NGEF: variants seen among roughly 807,000 people sequenced by gnomAD.
NGEF encodes the protein neuronal guanine nucleotide exchange factor.
Under a neutral mutation model 80.9 loss-of-function variants are expected in NGEF, and 31 were observed. The observed-to-expected ratio is 0.38, with a 90% CI of 0.29 to 0.52. NGEF has a LOEUF of 0.52. Among genes scored for constraint, NGEF ranks in the 20% least tolerant of loss-of-function variants. The pLI is 0.84. For synonymous variants in NGEF, 371 were observed against 370.2 expected (o/e 1.00, Z -0.03); for missense variants, 709 against 926.2 (o/e 0.77, Z 3.04).
chr2:232,949,114 G>A (rs2106303992), intron 3 of NGEF, among the ~76,000 whole-genome samples: 1 of 152,334 alleles, frequency 6.6e-6, no homozygotes, highest in Middle Eastern at 3.4e-3. Context: ...ATGTCGCAGA[G>A]GCCAAGGGAA....
chr2:232,999,655 T>G (rs1461247594), intron 1 of NGEF, among the ~76,000 whole-genome samples: 1 of 152,214 alleles, frequency 6.6e-6, no homozygotes, highest in Non-Finnish European at 1.5e-5. Context: ...CCTCCGCCCT[T>G]GGCAAGCTCC....
intron 3 of NGEF, among the ~76,000 whole-genome samples, chr2:232,969,215 T>A (rs1176055738): frequency 6.6e-6 from 1 of 151,886 alleles, no homozygotes; most frequent in Non-Finnish European, 1.5e-5. Flanking sequence ...TGCATAAACA[T>A]ATAGAAAAAA....
At chr2:232,995,572 A>ATGTATACTG (rs1491045889) in intron 1 of NGEF, among the ~76,000 whole-genome samples, 269 of 1,126 alleles carry the variant, frequency 0.24, 106 homozygotes, top group African/African-American at 0.57. Flanking sequence ...TGTATACTGT[A>ATGTATACTG]TATATATATA....
intron 1 of NGEF, among the ~76,000 whole-genome samples, chr2:232,984,624 G>A (rs915559385): frequency 6.6e-6 from 1 of 152,134 alleles, no homozygotes; most frequent in Non-Finnish European, 1.5e-5. Context: ...GAGGAACCGT[G>A]AGCTGCATGA....
At chr2:232,909,402 A>C (rs912837376) in intron 5 of NGEF, among the ~76,000 whole-genome samples, 7 of 149,238 alleles carry the variant, frequency 4.7e-5, no homozygotes, top group Non-Finnish European at 1.0e-4. Flanking sequence ...CATTTAATCT[A>C]TCTCCAGATT....
chr2:232,984,990 G>A (rs999100573), intron 1 of NGEF, among the ~76,000 whole-genome samples: 1 of 152,094 alleles, frequency 6.6e-6, no homozygotes, highest in African/African-American at 2.4e-5. Context: ...GAGTGGACGG[G>A]GAGATTGGGG....
At chr2:232,968,175 G>A (rs1362479869) in intron 3 of NGEF, among the ~76,000 whole-genome samples, 3 of 148,636 alleles carry the variant, frequency 2.0e-5, no homozygotes, top group East Asian at 2.0e-4. Flanking sequence ...CGCAATCTCT[G>A]CCTTCCGGGT....
chr2:233,007,708 A>G (rs1332676109), intron 1 of NGEF, among the ~76,000 whole-genome samples: 1 of 152,236 alleles, frequency 6.6e-6, no homozygotes, highest in African/African-American at 2.4e-5. Context: ...TTGAGCATCC[A>G]AACGACTTCA....
intron 5 of NGEF, among the ~76,000 whole-genome samples, chr2:232,905,062 C>T (rs1692460569): frequency 6.6e-6 from 1 of 151,982 alleles, no homozygotes; most frequent in South Asian, 2.1e-4. Context: ...CAGCTCTCTC[C>T]TCTCTCCTCT....
chr2:232,888,394 GCACACGTGCACACATGCATGCA>G (rs986090226), intron 8 of NGEF, among the ~76,000 whole-genome samples: 8 of 151,404 alleles, frequency 5.3e-5, no homozygotes, highest in South Asian at 2.1e-4. Flanking sequence ...ATGCATACAA[GCACACGTGCACACATGCATGCA>G]CACACGTGCA....
chr2:232,879,604 T>C lies in NGEF; in HGVS notation c.2018A>G (p.Asn673Ser), dbSNP rs1691422255. 20 of 1,613,586 alleles carry C rather than the reference T, an allele frequency of 1.2e-5. No individual in the cohort carries two copies. Among genetic ancestry groups the C allele is most frequent in the Non-Finnish European group, 1.5e-5 (18 of 1,179,938 alleles). Residue 673 changes from asparagine to serine, a missense_variant, in exon 15 of 15, where the codon AAT (asparagine) becomes AGT (serine). Physicochemically the swap from Asn to Ser is conservative, Grantham distance 46. Around this residue, in one of 2 missense-constraint regions of NGEF, gnomAD observed 426 missense variants for 622.9 expected, o/e 0.68. Coordinates refer to ENST00000264051, the MANE Select transcript of NGEF (RefSeq NM_019850.3). ...GAGGTTCTGGGACCGGATCTTGGGA[T>C]TCAAGATCTCCTCAGTCATGGAGCT... ...FPSSMTEEILNPKIRSQNLKE... is the reference protein window; with the variant it reads ...FPSSMTEEILSPKIRSQNLKE...
At chr2:232,918,974 G>A (rs1478909599) in intron 5 of NGEF, among the ~76,000 whole-genome samples, 2 of 152,156 alleles carry the variant, frequency 1.3e-5, no homozygotes, top group African/African-American at 2.4e-5. Context: ...ATAAATCAAT[G>A]TAGCCATTTA....
chr2:232,970,187 C>T (rs574639666), intron 3 of NGEF, 27 bp downstream of exon 3: 1 of 1,358,896 alleles, frequency 7.4e-7, no homozygotes, highest in African/African-American at 1.5e-5. Context: ...CCCAGACCAG[C>T]ATTCCTCATG....
chr2:232,983,715 G>A (rs1323043379), intron 1 of NGEF, among the ~76,000 whole-genome samples: 3 of 152,202 alleles, frequency 2.0e-5, no homozygotes, highest in African/African-American at 7.2e-5. Context: ...TCTCGGTCTC[G>A]TGTAGGGTTG....
At chr2:232,928,140 G>T (rs1166261692) in intron 3 of NGEF, 1 of 992,464 alleles carries the variant, frequency 1.0e-6, no homozygotes, top group South Asian at 4.6e-5. Context: ...CGCCGCCACC[G>T]CTGCCGAGCA....
At chr2:232,881,986 C>T (rs1691518605) in intron 13 of NGEF, among the ~76,000 whole-genome samples, 200 bp downstream of exon 13, 1 of 152,220 alleles carries the variant, frequency 6.6e-6, no homozygotes, top group African/African-American at 2.4e-5. Flanking sequence ...GCCCATCCAG[C>T]ATTCACACAG....
intron 1 of NGEF, among the ~76,000 whole-genome samples, chr2:233,000,977 T>C (rs966456227): frequency 7.9e-5 from 12 of 152,162 alleles, no homozygotes; most frequent in Non-Finnish European, 5.9e-5. Flanking sequence ...TGAACCAGTG[T>C]TGTACCAGAG....
chr2:232,964,547 A>C lies in NGEF; in HGVS notation c.383+5667T>G, dbSNP rs538374223. Among the ~76,000 whole-genome samples, 16 of 152,318 alleles carry C rather than the reference A, an allele frequency of 1.1e-4. No homozygotes were observed. The South Asian group carries it at 3.3e-3, about 32-fold the overall frequency. The stretch of plus-strand genomic sequence containing the variant: ...TGTCTCTACTAAAAATACAAAAATT[A>C]GCTGGGTGTAGTGACAGGTGCCTGT... On this transcript the variant is annotated intron_variant, in intron 3 of 14. Coordinates refer to ENST00000264051, the MANE Select transcript of NGEF (RefSeq NM_019850.3).
chr2:232,888,886 T>G (rs1330730828), intron 8 of NGEF, among the ~76,000 whole-genome samples: 1 of 152,258 alleles, frequency 6.6e-6, no homozygotes, highest in Non-Finnish European at 1.5e-5. Context: ...TAAATTACGA[T>G]TTTGACATTG....
Sources: gnomAD v4.1 joint callset for allele counts (sites outside exome capture counted in the v4.1 genomes callset) on GRCh38, gnomAD v4.1.1 for gene constraint, gnomAD v4.1.1 regional missense constraint, MANE v1.5 for transcripts, NCBI Gene and HGNC (gene_info 2026-07-23, HGNC 2026-07-21) for gene names.